Variants in NCK2 observed in about 807,000 individuals in gnomAD.
NCK2 encodes the protein NCK adaptor protein 2.
Under a neutral mutation model 33.9 loss-of-function variants are expected in NCK2, and 16 were observed. The observed-to-expected ratio is 0.47, with a 90% CI of 0.32 to 0.72. The LOEUF (loss-of-function observed/expected upper bound fraction) is 0.72. Among genes scored for constraint, NCK2 ranks in the 30% least tolerant of loss-of-function variants. The pLI, the probability that NCK2 is intolerant of heterozygous loss-of-function variation, is 0.03. For synonymous variants in NCK2, 273 were observed against 239.9 expected (o/e 1.14, Z -1.27); for missense variants, 418 against 537.3 (o/e 0.78, Z 2.19).
At chr2:105,761,337 T>G (rs1689758846) in intron 1 of NCK2, among the ~76,000 whole-genome samples, 4 of 151,870 alleles carry the variant, frequency 2.6e-5, no homozygotes, top group Admixed American at 2.6e-4. Flanking sequence ...GGGAGAAGAG[T>G]GGCTCACCTT....
chr2:105,771,377 AC>A (rs1314539917), intron 1 of NCK2, among the ~76,000 whole-genome samples: 1 of 151,644 alleles, frequency 6.6e-6, no homozygotes, highest in Non-Finnish European at 1.5e-5. Context: ...GACCAGCCTG[AC>A]CAACATAGTG....
At chr2:105,786,083 A>C (rs1369339829) in intron 1 of NCK2, among the ~76,000 whole-genome samples, 2 of 152,094 alleles carry the variant, frequency 1.3e-5, no homozygotes, top group East Asian at 3.9e-4. Flanking sequence ...TCCACTGCAC[A>C]TCTCTCTATC....
intron 1 of NCK2, among the ~76,000 whole-genome samples, chr2:105,799,124 G>T (rs533368368): frequency 1.3e-5 from 2 of 151,990 alleles, no homozygotes; most frequent in Non-Finnish European, 2.9e-5. Flanking sequence ...TGTCCTTCGT[G>T]TCCTAAGTTG....
intron 4 of NCK2, among the ~76,000 whole-genome samples, chr2:105,885,599 G>A (rs1377102610): frequency 6.6e-6 from 1 of 151,860 alleles, no homozygotes; most frequent in Non-Finnish European, 1.5e-5. Flanking sequence ...GGTCCTACCT[G>A]AAATGGTACT....
At chr2:105,748,128 A>C (rs1342716771) in intron 1 of NCK2, among the ~76,000 whole-genome samples, 2 of 152,288 alleles carry the variant, frequency 1.3e-5, no homozygotes, top group East Asian at 3.9e-4. Context: ...AATGAAAGTT[A>C]TTTTGATTGA....
chr2:105,767,281 G>A (rs4851854), intron 1 of NCK2, among the ~76,000 whole-genome samples: 1 of 152,082 alleles, frequency 6.6e-6, no homozygotes. Flanking sequence ...TGCTCGTGAC[G>A]TGGCCTACTT....
intron 4 of NCK2, among the ~76,000 whole-genome samples, chr2:105,888,362 A>G (rs1230559891): frequency 2.0e-5 from 3 of 152,372 alleles, no homozygotes; most frequent in Non-Finnish European, 4.4e-5. Context: ...CCCAGTAGTC[A>G]GCACAGAGAA....
At chr2:105,754,918 G>T (rs544741871) in intron 1 of NCK2, among the ~76,000 whole-genome samples, 1 of 152,072 alleles carries the variant, frequency 6.6e-6, no homozygotes, top group East Asian at 1.9e-4. Flanking sequence ...TATAGAAACA[G>T]ATTTTTTTTT....
intron 1 of NCK2, among the ~76,000 whole-genome samples, chr2:105,784,913 T>C (rs2104410760): frequency 6.6e-6 from 1 of 152,386 alleles, no homozygotes; most frequent in South Asian, 2.1e-4. Context: ...CAGTTTGAAA[T>C]GCTTTCTGAA....
intron 2 of NCK2, among the ~76,000 whole-genome samples, chr2:105,835,200 A>G (rs1216812075): frequency 6.6e-6 from 1 of 151,164 alleles, no homozygotes; most frequent in African/African-American, 2.4e-5. Context: ...ATGATGGCAG[A>G]TATCATTCTT....
intron 2 of NCK2, among the ~76,000 whole-genome samples, chr2:105,839,093 T>C (rs4851095): frequency 0.94 from 143,352 of 152,210 alleles, 67,620 homozygotes; most frequent in East Asian, 1. Flanking sequence ...GACATTTGAA[T>C]GGCGGCTTGA....
At chr2:105,786,964 T>A (rs1040127494) in intron 1 of NCK2, among the ~76,000 whole-genome samples, 7 of 152,246 alleles carry the variant, frequency 4.6e-5, no homozygotes, top group Admixed American at 4.6e-4. Flanking sequence ...AAACTTCAGC[T>A]GGCGTGGTGC....
At chr2:105,746,114 G>A (rs986933495) in intron 1 of NCK2, among the ~76,000 whole-genome samples, 3 of 152,182 alleles carry the variant, frequency 2.0e-5, no homozygotes, top group African/African-American at 7.2e-5. Context: ...GTCGGCCTTG[G>A]CCACTTCACA....
At chr2:105,758,007 T>A (rs1043756722) in intron 1 of NCK2, among the ~76,000 whole-genome samples, 1 of 152,176 alleles carries the variant, frequency 6.6e-6, no homozygotes, top group Non-Finnish European at 1.5e-5. Flanking sequence ...AGGGCCTGGA[T>A]GAAGCTCAGT....
In NCK2 at chr2:105,782,891, G is replaced by A. The variant is rs149265123; in HGVS notation, c.-200-33539G>A. ...ACGCTCCCAACTGGAGAGGCGTAGG[G>A]GGCAGTTACTCCAGACACTTGTGCT... On this transcript the variant is annotated intron_variant, in intron 1 of 4. Transcript: ENST00000233154. Among the ~76,000 whole-genome samples the A allele has an allele frequency of 7.0e-4, 107 of 152,306 alleles. 1 individual carries two copies. Among genetic ancestry groups the A allele is most frequent in the Non-Finnish European group, 1.1e-3 (72 of 68,018 alleles).
intron 1 of NCK2, among the ~76,000 whole-genome samples, chr2:105,753,154 G>A (rs552906664): frequency 6.6e-6 from 1 of 152,386 alleles, no homozygotes; most frequent in African/African-American, 2.4e-5. Flanking sequence ...TATGGTGTAA[G>A]ATTTGAGAAA....
intron 3 of NCK2, among the ~76,000 whole-genome samples, chr2:105,876,500 G>GAAA (rs1347619129): frequency 6.6e-6 from 1 of 152,226 alleles, no homozygotes; most frequent in Non-Finnish European, 1.5e-5. Context: ...ATGCAACATA[G>GAAA]AAAGACTGGT....
chr2:105,793,230 G>A (rs1270609158), intron 1 of NCK2, among the ~76,000 whole-genome samples: 2 of 151,766 alleles, frequency 1.3e-5, no homozygotes, highest in Non-Finnish European at 2.9e-5. Context: ...TTCTGGGAAT[G>A]GGTGGAGAAC....
At chr2:105,747,467 T>A (rs1689323494) in intron 1 of NCK2, among the ~76,000 whole-genome samples, 1 of 152,172 alleles carries the variant, frequency 6.6e-6, no homozygotes, top group Non-Finnish European at 1.5e-5. Flanking sequence ...GGGACACCCA[T>A]TTTTCTAACT....
Sources: gnomAD v4.1 joint callset for allele counts (sites outside exome capture counted in the v4.1 genomes callset) on GRCh38, gnomAD v4.1.1 for gene constraint, MANE v1.5 for transcripts, NCBI Gene and HGNC (gene_info 2026-07-23, HGNC 2026-07-21) for gene names.